The following LRP1B variants were observed in gnomAD, a reference collection of about 807,000 sequenced individuals.
LRP1B encodes LDL receptor related protein 1B, also known as low-density lipoprotein receptor-related protein 1B.
A neutral mutation model predicts 556.6 loss-of-function variants in LRP1B; 217 were observed. The ratio of observed to expected loss-of-function variants is 0.39; its 90% CI spans 0.35 to 0.44. The LOEUF (loss-of-function observed/expected upper bound fraction) is 0.44, where lower values mean the gene tolerates loss of function less well. LRP1B is among the 20% of genes least tolerant of loss of function. The pLI, the probability that LRP1B is intolerant of heterozygous loss-of-function variation, is 1.00. For missense variants in LRP1B, 5,053 were observed against 5,620.8 expected, an observed-to-expected ratio of 0.90 and a Z score of 3.23; for synonymous variants, 2,047 against 1,865.8, an observed-to-expected ratio of 1.10 and a Z score of -2.50.
intron 60 of LRP1B, among the ~76,000 whole-genome samples, chr2:140,464,656 T>G (rs2105333565): frequency 6.6e-6 from 1 of 152,312 alleles, no homozygotes; most frequent in Admixed American, 6.5e-5. Context: ...TTCCTTTTGC[T>G]TCGAAACTTT....
intron 2 of LRP1B, among the ~76,000 whole-genome samples, chr2:141,676,905 T>C (rs1210477258): frequency 6.6e-6 from 1 of 152,198 alleles, no homozygotes; most frequent in Non-Finnish European, 1.5e-5. Flanking sequence ...CCAAGCAATA[T>C]TCTAGAATTT....
At chr2:141,024,680 T>G (rs1237508975) in intron 11 of LRP1B, among the ~76,000 whole-genome samples, 2 of 152,076 alleles carry the variant, frequency 1.3e-5, no homozygotes, top group Non-Finnish European at 2.9e-5. Flanking sequence ...TTGCCTGTTT[T>G]TGTTCCATGA....
chr2:140,774,519 G>T (rs1157462643), intron 33 of LRP1B, among the ~76,000 whole-genome samples: 1 of 152,052 alleles, frequency 6.6e-6, no homozygotes, highest in South Asian at 2.1e-4. Flanking sequence ...GGAAAAGTGG[G>T]TAAATATTTT....
intron 75 of LRP1B, 55 bp downstream of exon 75, chr2:140,356,287 G>T (rs543655253): frequency 6.4e-7 from 1 of 1,571,026 alleles, no homozygotes; most frequent in Non-Finnish European, 8.7e-7. Flanking sequence ...AGAAGTCTTG[G>T]GAATCTTCAT....
chr2:140,634,258 A>G (rs891672056), intron 41 of LRP1B, among the ~76,000 whole-genome samples: 2 of 152,162 alleles, frequency 1.3e-5, no homozygotes, highest in Non-Finnish European at 2.9e-5. Context: ...TTTATGATAA[A>G]AATCTCTCAG....
chr2:141,174,129 C>T (rs1220441510), intron 7 of LRP1B, among the ~76,000 whole-genome samples: 1 of 152,012 alleles, frequency 6.6e-6, no homozygotes, highest in Admixed American at 6.6e-5. Context: ...AAGTCCAAGA[C>T]TCCAAATCTG....
At chr2:140,346,243 T>A (rs1681677803) in intron 77 of LRP1B, among the ~76,000 whole-genome samples, 1 of 151,776 alleles carries the variant, frequency 6.6e-6, no homozygotes. Flanking sequence ...TTTTGATTAA[T>A]AATTTCCTCA....
At chr2:140,705,784 A>C (rs111608399) in intron 37 of LRP1B, among the ~76,000 whole-genome samples, 3,479 of 152,242 alleles carry the variant, frequency 0.023, 54 homozygotes, top group Middle Eastern at 0.051. Context: ...TAGTGATTAG[A>C]TATGGTATCA....
At chr2:141,100,436 C>CT (rs900683186) in intron 7 of LRP1B, among the ~76,000 whole-genome samples, 3 of 152,172 alleles carry the variant, frequency 2.0e-5, no homozygotes, top group African/African-American at 7.2e-5. Context: ...CCTCAAACAC[C>CT]TTTTCCCTGT....
chr2:140,931,660 T>G (rs1457723367), intron 20 of LRP1B, among the ~76,000 whole-genome samples: 1 of 152,144 alleles, frequency 6.6e-6, no homozygotes, highest in Non-Finnish European at 1.5e-5. Context: ...AATGTAGAGT[T>G]CTAAGTATCA....
chr2:140,733,925 A>T (rs1687862202), intron 35 of LRP1B, among the ~76,000 whole-genome samples: 1 of 152,240 alleles, frequency 6.6e-6, no homozygotes. Context: ...GGTAAATTTT[A>T]AGTAGATTGT....
chr2:140,715,109 A>G (rs1687162915), intron 37 of LRP1B, among the ~76,000 whole-genome samples: 1 of 152,112 alleles, frequency 6.6e-6, no homozygotes, highest in Non-Finnish European at 1.5e-5. Context: ...ACAGAGATTG[A>G]TTGTGAAAGG....
At chr2:140,306,109 A>C (rs565124717) in intron 83 of LRP1B, among the ~76,000 whole-genome samples, 1 of 134,208 alleles carries the variant, frequency 7.5e-6, no homozygotes, top group East Asian at 2.0e-4. Flanking sequence ...TTGGTCTAAC[A>C]TTCTCTTTTT....
At chr2:140,542,094 GATAAAA>G (rs1187530222) in intron 43 of LRP1B, 123 bp from the exon 44 acceptor site, 1 of 585,152 alleles carries the variant, frequency 1.7e-6, no homozygotes, top group African/African-American at 1.9e-5. Flanking sequence ...GAAATCATCA[GATAAAA>G]ATAAAATTTT....
intron 3 of LRP1B, among the ~76,000 whole-genome samples, chr2:141,354,364 T>G (rs1437536133): frequency 6.6e-6 from 1 of 151,970 alleles, no homozygotes; most frequent in Non-Finnish European, 1.5e-5. Context: ...AGACAATACA[T>G]AAATAAGTGT....
chr2:140,842,150 A>G (rs1198786099), intron 29 of LRP1B, among the ~76,000 whole-genome samples: 1 of 152,196 alleles, frequency 6.6e-6, no homozygotes, highest in African/African-American at 2.4e-5. Flanking sequence ...CCTCTAGTCG[A>G]ATTGCTATAA....
intron 41 of LRP1B, among the ~76,000 whole-genome samples, chr2:140,696,316 G>A (rs1043216724): frequency 6.6e-6 from 1 of 152,074 alleles, no homozygotes; most frequent in Admixed American, 6.6e-5. Flanking sequence ...AGCTTTCAGA[G>A]AGGATTGCAA....
chr2:140,363,178 A>G (rs1226249182), intron 72 of LRP1B, among the ~76,000 whole-genome samples: 1 of 151,678 alleles, frequency 6.6e-6, no homozygotes, highest in East Asian at 1.9e-4. Context: ...AGCCAGAATA[A>G]GATCTCCTTG....
chr2:142,115,507 T>TATTACATATATAATA (rs1559079413), intron 1 of LRP1B, among the ~76,000 whole-genome samples: 1 of 88,138 alleles, frequency 1.1e-5, no homozygotes, highest in African/African-American at 4.2e-5. Context: ...ATAATATATA[T>TATTACATATATAATA]TATATATTAC....
Sources: gnomAD v4.1 joint callset for allele counts (sites outside exome capture counted in the v4.1 genomes callset) on GRCh38, gnomAD v4.1.1 for gene constraint, MANE v1.5 for transcripts, NCBI Gene and HGNC (gene_info 2026-07-23, HGNC 2026-07-21) for gene names.